The following KMT2A variants were observed in gnomAD, a reference collection of about 807,000 sequenced individuals.
The protein encoded by KMT2A is lysine methyltransferase 2A.
A neutral mutation model predicts 345.3 loss-of-function variants in KMT2A; 16 were observed. The observed-to-expected ratio is 0.05, with a 90% CI of 0.03 to 0.07. The LOEUF is 0.07. Among genes scored for constraint, KMT2A ranks in the 10% least tolerant of loss-of-function variants. The pLI is 1.00. For synonymous variants in KMT2A, 1,599 were observed against 1,778.6 expected (o/e 0.90, Z 2.54); for missense variants, 3,272 against 4,841.6 (o/e 0.68, Z 9.62).
rs1949948762 is a variant in KMT2A, at chr11:118,471,888, G to A, written c.729G>A (p.Glu243=). 2.5e-6 allele frequency: 4 copies of A among 1,613,420 alleles called. No homozygotes were observed. Among genetic ancestry groups the A allele is most frequent in the Non-Finnish European group, 3.4e-6 (4 of 1,179,842 alleles). The change falls in exon 3 of 36, where the codon GAG becomes GAA. Residue 243 remains glutamate, a synonymous_variant. Transcript: ENST00000534358. ...IKITHGKDIS[E]LPKGNKEDSL... ...TAACACATGGAAAGGACATTTCAGA[G>A]TTACCAAAGGGAAACAAAGAAGATA...
In KMT2A at chr11:118,484,919, G is replaced by T. The variant is rs1950203296; in HGVS notation, c.4276G>T (p.Val1426Phe). Residue 1426 changes from valine to phenylalanine, a missense_variant, in exon 10 of 36, where the codon GTT (valine) becomes TTT (phenylalanine). Val to Phe is a conservative substitution (Grantham distance 50). Coordinates refer to ENST00000534358, the MANE Select transcript of KMT2A (RefSeq NM_001197104.2). The surrounding 1 kb of genome is among the most constrained non-coding windows in gnomAD (Gnocchi z 4.1). ...GGGAGGCTTAGGAATCTTGACTTCTGTTCCTATAACACCCAGGGTGGTTTG... is the reference window on the plus strand; with the variant it reads ...GGGAGGCTTAGGAATCTTGACTTCTTTTCCTATAACACCCAGGGTGGTTTG... ...EMGGLGILTS[V>F]PITPRVVCFL... is the part of the protein sequence containing the mutation. 6.2e-7 allele frequency: 1 copy of T among 1,614,016 alleles called. No homozygotes were observed. Among genetic ancestry groups the T allele is most frequent in the African/African-American group, 1.3e-5 (1 of 75,038 alleles).
chr11:118,482,573 T>C, intron 8 of KMT2A, 78 bp downstream of exon 8: 3 of 1,012,612 alleles, frequency 3.0e-6, no homozygotes, highest in Non-Finnish European at 4.5e-6. Context: ...CCTTGACTTC[T>C]ATGTAGATGG....
chr11:118,509,285 C>A, intron 29 of KMT2A, 85 bp downstream of exon 29: 2 of 1,099,100 alleles, frequency 1.8e-6, no homozygotes, highest in Non-Finnish European at 2.6e-6. Flanking sequence ...TACTTATTTT[C>A]TACATTTAAA....
chr11:118,473,210 C>T lies in KMT2A; in HGVS notation c.2051C>T (p.Ser684Phe), dbSNP rs782402408. The T allele has an allele frequency of 6.2e-7, 1 of 1,613,126 alleles. No homozygotes were observed. The highest frequency in any genetic ancestry group is 8.5e-7 in the Non-Finnish European group (1 of 1,179,528). Residue 684 changes from serine to phenylalanine, a missense_variant, in exon 3 of 36, where the codon TCT (serine) becomes TTT (phenylalanine). By Grantham distance (155) the Ser-to-Phe change is radical. Transcript: ENST00000534358. This position sits in a 1 kb window ranked among gnomAD's most constrained non-coding sequence, Gnocchi z 5.2. Reference protein sequence around the residue: ...ASARLFSPLHSGTRFDMHKRS... With the variant: ...ASARLFSPLHFGTRFDMHKRS... ...GCCCGATTGTTTTCGCCACTCCATT[C>T]TGGAACAAGGTTTGATATGCACAAA...
At chr11:118,445,776 G>A (rs549133042) in intron 1 of KMT2A, among the ~76,000 whole-genome samples, 3 of 152,362 alleles carry the variant, frequency 2.0e-5, no homozygotes, top group African/African-American at 7.2e-5. Context: ...GCCAAGGCGG[G>A]AAGATTGCCT....
chr11:118,445,559 T>G (rs1374877428), intron 1 of KMT2A, among the ~76,000 whole-genome samples: 2 of 152,234 alleles, frequency 1.3e-5, no homozygotes, highest in African/African-American at 2.4e-5. Flanking sequence ...AGTGCTGGTC[T>G]ACAGAGATCA....
intron 28 of KMT2A, 171 bp downstream of exon 28, chr11:118,507,780 T>G: frequency 1.8e-6 from 1 of 561,320 alleles, no homozygotes. Context: ...GCTAACATGG[T>G]GAAACCCCGT....
intron 1 of KMT2A, among the ~76,000 whole-genome samples, chr11:118,440,157 A>G (rs1039007671): frequency 6.6e-6 from 1 of 152,222 alleles, no homozygotes; most frequent in African/African-American, 2.4e-5. Flanking sequence ...TAACTTGCCT[A>G]TGTAACAACA....
At chr11:118,451,102 G>T (rs1050326831) in intron 1 of KMT2A, among the ~76,000 whole-genome samples, 1 of 151,444 alleles carries the variant, frequency 6.6e-6, no homozygotes, top group Non-Finnish European at 1.5e-5. Context: ...TTGAAAAATC[G>T]AATTCATTTA....
intron 7 of KMT2A, 138 bp from the exon 8 acceptor site, chr11:118,482,283 AT>A (rs1950147876): frequency 2.3e-6 from 2 of 869,354 alleles, no homozygotes; most frequent in Non-Finnish European, 3.4e-6. Flanking sequence ...AATTGGAGGT[AT>A]TGTTTTAATT....
rs1047021014 is a variant in KMT2A, at chr11:118,493,327, A to T, written c.5178+97A>T. ...CTGAGTATAAGTAAATTTAAAAATG[A>T]ATTGTATTATATTTAGAAATGTCAC... On this transcript the variant is annotated intron_variant, in intron 16 of 35. Coordinates refer to ENST00000534358, the MANE Select transcript of KMT2A (RefSeq NM_001197104.2). The surrounding 1 kb of genome is among the most constrained non-coding windows in gnomAD (Gnocchi z 5.8). 7.3e-6 allele frequency: 7 copies of T among 953,096 alleles called. No individual in the cohort carries two copies. Among genetic ancestry groups the T allele is most frequent in the Non-Finnish European group, 1.1e-5 (7 of 639,756 alleles). 59.0% of individuals were successfully genotyped at this position (953,096 alleles called of 1,614,324 possible).
In KMT2A at chr11:118,526,188, G is replaced by A. The variant is rs184068654; in HGVS notation, c.*4016G>A. On this transcript the variant is annotated 3_prime_UTR_variant, in exon 36 of 36. Transcript: ENST00000534358. ...GGAATGGTAGAACAGTCCATTCCTC[G>A]GATCAGAGAAAAATGCAGACATGGT... 321 of 215,588 alleles carry A rather than the reference G, an allele frequency of 1.5e-3. 1 individual carries two copies. Among genetic ancestry groups the A allele is most frequent in the Middle Eastern group, 3.0e-3 (2 of 666 alleles). 13.4% of individuals were successfully genotyped at this position (215,588 alleles called of 1,614,324 possible).
rs1555044257 is a variant in KMT2A at position 118,497,255 on chromosome 11, C to T, written c.5665-681C>T. On this transcript the variant is annotated intron_variant, in intron 20 of 35. Coordinates refer to ENST00000534358, the MANE Select transcript of KMT2A (RefSeq NM_001197104.2). The surrounding 1 kb of genome is among the most constrained non-coding windows in gnomAD (Gnocchi z 4.8). ...CCGACCCCAGGTGATCCACCCACCT[C>T]ATATCCCAAAGTGGTGGGATTACAG... Among the ~76,000 whole-genome samples the T allele has an allele frequency of 6.6e-6, 1 of 152,140 alleles. No homozygotes were observed. Among genetic ancestry groups the T allele is most frequent in the Admixed American group, 6.5e-5 (1 of 15,272 alleles).
chr11:118,472,751 A>G lies in KMT2A; in HGVS notation c.1592A>G (p.Tyr531Cys), dbSNP rs2134262937. The change falls in exon 3 of 36, where the codon TAT (tyrosine) becomes TGT (cysteine). Residue 531 changes from tyrosine (Y) to cysteine (C), a missense_variant. Transcript: ENST00000534358. ...NESNDRRSRR[Y>C]SVSERSFGSR... ...AGTAATGATAGGAGAAGCAGAAGGT[A>G]TTCAGTGTCGGAGAGAAGTTTTGGA... 3 of 1,613,766 alleles carry G rather than the reference A, an allele frequency of 1.9e-6. No homozygotes were observed. Among genetic ancestry groups the G allele is most frequent in the Non-Finnish European group, 2.5e-6 (3 of 1,179,980 alleles).
chr11:118,440,782 A>G (rs903034748), intron 1 of KMT2A, among the ~76,000 whole-genome samples: 6 of 133,958 alleles, frequency 4.5e-5, no homozygotes, highest in Non-Finnish European at 8.1e-5. Flanking sequence ...GGAGAGCGTG[A>G]TTTTTTTTTT....
intron 31 of KMT2A, chr11:118,519,302 CA>C (rs782806241): frequency 1.4e-4 from 31 of 219,158 alleles, no homozygotes; most frequent in Admixed American, 1.1e-3. Context: ...CCTGTGTGGT[CA>C]TTATGAGCAC....
chr11:118,488,513 A>G (rs782131351), intron 10 of KMT2A, 101 bp from the exon 11 acceptor site: 6 of 1,114,204 alleles, frequency 5.4e-6, no homozygotes, highest in Non-Finnish European at 6.9e-6. Context: ...AATATATGCC[A>G]GTGGACTACT....
At chr11:118,467,879 T>C (rs1555034493) in intron 1 of KMT2A, among the ~76,000 whole-genome samples, 1 of 152,228 alleles carries the variant, frequency 6.6e-6, no homozygotes, top group Non-Finnish European at 1.5e-5. Context: ...TTCTGGAATC[T>C]GAAATTCTAT....
intron 2 of KMT2A, among the ~76,000 whole-genome samples, chr11:118,469,910 C>T (rs1385852324): frequency 3.3e-5 from 5 of 152,130 alleles, no homozygotes; most frequent in Admixed American, 3.3e-4. Flanking sequence ...CAGTAGTGTC[C>T]CAGTATCTGT....
Sources: gnomAD v4.1 joint callset for allele counts (sites outside exome capture counted in the v4.1 genomes callset) on GRCh38, gnomAD v4.1.1 for gene constraint, Gnocchi (gnomAD v3.1) non-coding constraint, MANE v1.5 for transcripts, NCBI Gene and HGNC (gene_info 2026-07-23, HGNC 2026-07-21) for gene names.